SBF2: variants seen among roughly 807,000 people sequenced by gnomAD.
SBF2 encodes SET binding factor 2.
A neutral mutation model predicts 225.2 loss-of-function variants in SBF2; 112 were observed. The ratio of observed to expected loss-of-function variants is 0.50; its 90% CI spans 0.43 to 0.58. The LOEUF (loss-of-function observed/expected upper bound fraction) is 0.58, where lower values mean the gene tolerates loss of function less well. SBF2 is among the 20% of genes least tolerant of loss of function. The probability of loss-of-function intolerance (pLI) is 0.00; values close to 1 mark genes in which losing one functional copy is unlikely to be tolerated. For synonymous variants in SBF2, 763 were observed against 773.3 expected (o/e 0.99, Z 0.22); for missense variants, 1,996 against 2,206.2 (o/e 0.90, Z 1.91).
intron 16 of SBF2, among the ~76,000 whole-genome samples, chr11:9,912,876 A>C (rs1346425747): frequency 6.6e-6 from 1 of 152,278 alleles, no homozygotes; most frequent in African/African-American, 2.4e-5. Flanking sequence ...ATACAAGAAG[A>C]CATTTGTAAA....
rs372964274 is a variant in SBF2 at position 9,965,364 on chromosome 11, C to T, written c.1601-1482G>A. On this transcript the variant is annotated intron_variant, in intron 14 of 39. Transcript: ENST00000256190. ...TTGCCCAGGCTGGAGTGCAATGGCACGATCTCGGCTGCCTCCCAGGTTCAA... is the reference window on the plus strand; with the variant it reads ...TTGCCCAGGCTGGAGTGCAATGGCATGATCTCGGCTGCCTCCCAGGTTCAA... Among the ~76,000 whole-genome samples the T allele has an allele frequency of 6.1e-5, 9 of 148,236 alleles. No individual in the cohort carries two copies. The East Asian group carries it at 1.2e-3, about 20-fold the overall frequency.
intron 1 of SBF2, among the ~76,000 whole-genome samples, chr11:10,281,883 C>T (rs1963429998): frequency 6.6e-6 from 1 of 152,064 alleles, no homozygotes; most frequent in Admixed American, 6.6e-5. Context: ...CACAAGTACC[C>T]CCAGACCTCC....
intron 1 of SBF2, among the ~76,000 whole-genome samples, chr11:10,229,114 A>G (rs868490842): frequency 6.6e-6 from 1 of 152,100 alleles, no homozygotes; most frequent in African/African-American, 2.4e-5. Flanking sequence ...AGAGGTGTTT[A>G]TAGTATTCTC....
chr11:9,839,783 C>T, intron 25 of SBF2, 87 bp from the exon 26 acceptor site: 1 of 1,330,996 alleles, frequency 7.5e-7, no homozygotes, highest in Non-Finnish European at 1.1e-6. Context: ...AGCTCACTCT[C>T]ATCTGAAACT....
chr11:9,893,779 T>C (rs1350355269), intron 17 of SBF2, among the ~76,000 whole-genome samples: 1 of 152,174 alleles, frequency 6.6e-6, no homozygotes, highest in Non-Finnish European at 1.5e-5. Flanking sequence ...TCCAACATGA[T>C]CTGAATCAGC....
chr11:10,028,317 A>G (rs373407980), intron 6 of SBF2, 135 bp downstream of exon 6: 4 of 651,804 alleles, frequency 6.1e-6, no homozygotes, highest in East Asian at 2.8e-5. Flanking sequence ...ACAAAATTAT[A>G]TATCTCCTAT....
At chr11:9,976,156 C>G (rs1369779736) in intron 13 of SBF2, among the ~76,000 whole-genome samples, 1 of 150,476 alleles carries the variant, frequency 6.6e-6, no homozygotes, top group African/African-American at 2.4e-5. Context: ...TCACTGCAAC[C>G]TTTGCCTCCC....
At chr11:10,185,459 G>A (rs538660295) in intron 2 of SBF2, among the ~76,000 whole-genome samples, 6 of 151,886 alleles carry the variant, frequency 4.0e-5, no homozygotes, top group African/African-American at 1.2e-4. Flanking sequence ...GTTTTGTTTT[G>A]GGGCTTTTTT....
At chr11:10,234,387 T>A (rs982815642) in intron 1 of SBF2, among the ~76,000 whole-genome samples, 4 of 152,236 alleles carry the variant, frequency 2.6e-5, no homozygotes, top group Admixed American at 2.0e-4. Context: ...TTCATTTCAC[T>A]GAATTGCTGG....
chr11:9,803,736 G>A (rs1212950166), intron 32 of SBF2, among the ~76,000 whole-genome samples: 4 of 151,992 alleles, frequency 2.6e-5, no homozygotes, highest in Admixed American at 2.6e-4. Context: ...TCATTCCCCT[G>A]GAATCCTCCC....
intron 19 of SBF2, among the ~76,000 whole-genome samples, chr11:9,855,331 C>A (rs936236166): frequency 7.9e-5 from 12 of 152,022 alleles, no homozygotes; most frequent in African/African-American, 2.7e-4. Context: ...AAATGAAGTA[C>A]CTAGGATAAC....
chr11:10,225,914 A>G lies in SBF2; in HGVS notation c.56-31927T>C, dbSNP rs1038918084. 2.1e-4 allele frequency among the ~76,000 whole-genome samples: 32 copies of G among 152,326 alleles called. No homozygotes were observed. In the South Asian group the frequency reaches 3.1e-3, roughly 15 times the overall value. The stretch of plus-strand genomic sequence containing the variant: ...GAAATAAAATGTAAAGGAGTCGATT[A>G]GCAGTATGTTTTTCAAAGTCTTAAA... On this transcript the variant is annotated intron_variant, in intron 1 of 39. Coordinates refer to ENST00000256190, the MANE Select transcript of SBF2 (RefSeq NM_030962.4).
chr11:10,256,200 T>G (rs142720192), intron 1 of SBF2, among the ~76,000 whole-genome samples: 1 of 152,170 alleles, frequency 6.6e-6, no homozygotes, highest in Non-Finnish European at 1.5e-5. Flanking sequence ...TGGTTCCCAA[T>G]AGGAAGGAAT....
chr11:10,073,141 A>G (rs2134820557), intron 2 of SBF2, among the ~76,000 whole-genome samples: 1 of 152,206 alleles, frequency 6.6e-6, no homozygotes, highest in African/African-American at 2.4e-5. Flanking sequence ...TATGGGATCT[A>G]CAGGGTTGCT....
chr11:10,196,843 T>TAC (rs1957374644), intron 1 of SBF2, among the ~76,000 whole-genome samples: 2 of 14,122 alleles, frequency 1.4e-4, no homozygotes, highest in African/African-American at 2.2e-4. Context: ...CATAAATATA[T>TAC]ATATATATAT....
intron 1 of SBF2, among the ~76,000 whole-genome samples, chr11:10,224,708 T>G (rs140719711): frequency 1.2e-3 from 186 of 152,316 alleles, no homozygotes; most frequent in East Asian, 8.9e-3. Context: ...TTAGTTTGTA[T>G]GTCACCTCTT....
intron 34 of SBF2, among the ~76,000 whole-genome samples, chr11:9,790,019 C>T (rs958437989): frequency 6.6e-6 from 1 of 152,210 alleles, no homozygotes; most frequent in Non-Finnish European, 1.5e-5. Context: ...AGGGGAGGGG[C>T]CTCTCTTGGC....
chr11:10,090,185 G>A (rs1248174037), intron 2 of SBF2, among the ~76,000 whole-genome samples: 1 of 152,176 alleles, frequency 6.6e-6, no homozygotes, highest in African/African-American at 2.4e-5. Context: ...TGAATGATGA[G>A]GGAAATGGGG....
intron 17 of SBF2, among the ~76,000 whole-genome samples, chr11:9,877,665 C>A (rs982815336): frequency 6.6e-6 from 1 of 152,116 alleles, no homozygotes; most frequent in African/African-American, 2.4e-5. Context: ...TCTGCTCTTG[C>A]GATAGTTTGC....
Sources: gnomAD v4.1 joint callset for allele counts (sites outside exome capture counted in the v4.1 genomes callset) on GRCh38, gnomAD v4.1.1 for gene constraint, MANE v1.5 for transcripts, NCBI Gene and HGNC (gene_info 2026-07-23, HGNC 2026-07-21) for gene names.